SCP2: variants seen among roughly 807,000 people sequenced by gnomAD.
The protein encoded by SCP2 is sterol carrier protein 2.
SCP2 carries 48 observed loss-of-function variants against 71.4 expected under a neutral mutation model. The ratio of observed to expected loss-of-function variants is 0.67; its 90% CI spans 0.53 to 0.86. The LOEUF is 0.86. Among genes scored for constraint, SCP2 ranks in the 40% least tolerant of loss-of-function variants. SCP2 has a pLI of 0.00. For missense variants in SCP2, 560 were observed against 655.6 expected (o/e 0.85, Z 1.59); for synonymous variants, 220 against 218.1 (o/e 1.01, Z -0.08).
intron 6 of SCP2, among the ~76,000 whole-genome samples, chr1:52,974,507 C>G (rs555386369): frequency 6.6e-6 from 1 of 152,226 alleles, no homozygotes; most frequent in East Asian, 1.9e-4. Flanking sequence ...AAACTGGGTT[C>G]TACTTATTTT....
At position 53,047,937 on chromosome 1, in the gene SCP2, G is replaced by A. The variant is rs1007014203; in HGVS notation, c.1548G>A (p.Ser516=). ...TGACTGGTAAAATGAATCCTCAGTC[G>A]GTAAGTATGATGGAGCTTATATCCT... ...ALMTGKMNPQ[S]AFFQGKLKIT... is the part of the protein sequence containing the mutation. Residue 516 remains serine, a splice_region_variant and synonymous_variant, in exon 15 of 16, where the codon TCG becomes TCA. Transcript: ENST00000371514. The A allele has an allele frequency of 6.9e-6, 11 of 1,604,004 alleles. No homozygotes were observed. Among genetic ancestry groups the A allele is most frequent in the East Asian group, 2.2e-5 (1 of 44,836 alleles).
chr1:52,981,439 ATT>A (rs199738997), intron 10 of SCP2, among the ~76,000 whole-genome samples: 20 of 143,312 alleles, frequency 1.4e-4, no homozygotes, highest in African/African-American at 2.3e-4. Context: ...TTCATTAATA[ATT>A]TTTTTTTTTT....
At chr1:52,948,109 T>C (rs560469721) in intron 3 of SCP2, 29 bp downstream of exon 3, 1 of 1,449,956 alleles carries the variant, frequency 6.9e-7, no homozygotes, top group Non-Finnish European at 9.7e-7. Context: ...ATTCTAAAAT[T>C]TTTTTACCTA....
At chr1:52,946,828 A>G (rs537001050) in intron 2 of SCP2, among the ~76,000 whole-genome samples, 23 of 150,532 alleles carry the variant, frequency 1.5e-4, no homozygotes, top group African/African-American at 5.4e-4. Flanking sequence ...AGGCCAAGGG[A>G]GGTGGATCAC....
At chr1:52,970,893 C>T (rs1201029764) in intron 6 of SCP2, among the ~76,000 whole-genome samples, 2 of 146,784 alleles carry the variant, frequency 1.4e-5, no homozygotes. Flanking sequence ...TCTAGTTATG[C>T]TGAGAGTATG....
Position 52,994,859 on chromosome 1 carries a change from A to G in SCP2, c.1081+6723A>G, listed in dbSNP as rs1479261192. ...CATGGGGACAGCGACCTGCAGCTGG[A>G]CTGTGTCTCCATGTACTACAGTGAA... is the stretch of plus-strand genomic sequence containing the variant. On this transcript the variant is annotated intron_variant, in intron 11 of 15. Transcript: ENST00000371514. The G allele has an allele frequency of 5.9e-6, 3 of 510,126 alleles. No individual in the cohort carries two copies. The African/African-American group carries it at 5.9e-5, about 10-fold the overall frequency. The allele number at this position is 510,126 out of a possible 1,614,324, so 31.6% of individuals were successfully genotyped here.
At chr1:53,005,438 C>T (rs1445913048) in intron 11 of SCP2, among the ~76,000 whole-genome samples, 1 of 152,184 alleles carries the variant, frequency 6.6e-6, no homozygotes, top group Non-Finnish European at 1.5e-5. Flanking sequence ...AGGGAAGGAT[C>T]AGGCAGCAAC....
intron 1 of SCP2, among the ~76,000 whole-genome samples, chr1:52,935,967 A>G (rs995135023): frequency 6.6e-6 from 1 of 152,174 alleles, no homozygotes; most frequent in Non-Finnish European, 1.5e-5. Flanking sequence ...CACAATTCCA[A>G]TACTCTTCCC....
chr1:52,990,702 C>G (rs1349209858), intron 11 of SCP2, among the ~76,000 whole-genome samples: 1 of 135,506 alleles, frequency 7.4e-6, no homozygotes, highest in African/African-American at 2.8e-5. Context: ...CCACTGCACT[C>G]CAGCCTGGAC....
intron 13 of SCP2, 138 bp downstream of exon 13, chr1:53,028,209 A>G: frequency 1.6e-6 from 1 of 638,276 alleles, no homozygotes; most frequent in South Asian, 1.6e-5. Context: ...TAGATTTCTG[A>G]GTGTCTATTA....
intron 6 of SCP2, among the ~76,000 whole-genome samples, chr1:52,970,327 A>G (rs978403370): frequency 2.6e-5 from 4 of 152,166 alleles, no homozygotes; most frequent in South Asian, 2.1e-4. Context: ...ATGGTGCACC[A>G]CAGCCACAAA....
rs113310828 is a variant in SCP2 at position 52,970,412 on chromosome 1, G to C, written c.524-4357G>C. ...CTACAGGTGTACCTTGTCCTCTTTT[G>C]CTGCTTTTCTCCTTCACCGCTCAAT... On this transcript the variant is annotated intron_variant, in intron 6 of 15. Transcript: ENST00000371514. Among the ~76,000 whole-genome samples the C allele has an allele frequency of 5.2e-3, 785 of 152,224 alleles. 7 individuals are homozygous for C. Among genetic ancestry groups the C allele is most frequent in the African/African-American group, 0.018 (768 of 41,514 alleles).
chr1:53,002,919 T>C (rs989021281), intron 11 of SCP2, among the ~76,000 whole-genome samples: 16 of 152,194 alleles, frequency 1.1e-4, no homozygotes, highest in African/African-American at 3.6e-4. Flanking sequence ...CCTAGGACGA[T>C]GACTGGTAAG....
intron 13 of SCP2, among the ~76,000 whole-genome samples, chr1:53,034,147 C>T (rs891300310): frequency 3.3e-5 from 5 of 151,688 alleles, no homozygotes; most frequent in Admixed American, 6.6e-5. Context: ...CGTGGTGGTG[C>T]GCGCCTGTAG....
At chr1:53,020,529 A>G (rs563715940) in intron 12 of SCP2, among the ~76,000 whole-genome samples, 2 of 152,226 alleles carry the variant, frequency 1.3e-5, no homozygotes, top group East Asian at 3.9e-4. Context: ...AGACTCCTGG[A>G]GTCAAGCAGT....
chr1:53,014,948 A>C lies in SCP2; in HGVS notation c.1140A>C (p.Gln380His). The change falls in exon 12 of 16, where the codon CAA becomes CAC. Residue 380 changes from glutamine (Q) to histidine (H), a missense_variant. By Grantham distance (24) the Gln-to-His change is conservative (BLOSUM62 0). Transcript: ENST00000371514. Reference protein sequence around the residue: ...WQLRGEAGKRQVPGAKVALQH... With the variant: ...WQLRGEAGKRHVPGAKVALQH... ...TGAGAGGGGAAGCCGGAAAGAGGCAAGTTCCTGGTGCAAAGGTGGCTCTGC... is the reference window on the plus strand; with the variant it reads ...TGAGAGGGGAAGCCGGAAAGAGGCACGTTCCTGGTGCAAAGGTGGCTCTGC... 1 of 1,614,030 alleles carries C rather than the reference A, an allele frequency of 6.2e-7. No homozygotes were observed. Among genetic ancestry groups the C allele is most frequent in the Non-Finnish European group, 8.5e-7 (1 of 1,179,980 alleles).
At chr1:52,956,902 C>CT (rs370787153) in intron 5 of SCP2, among the ~76,000 whole-genome samples, 3,133 of 105,826 alleles carry the variant, frequency 0.03, 47 homozygotes, top group Non-Finnish European at 0.037. Flanking sequence ...CTCCTTCTGC[C>CT]TTTTTTTTTT....
Position 52,974,850 on chromosome 1 carries a change from A to C in SCP2, c.587+18A>C, listed in dbSNP as rs1267512568. On this transcript the variant is annotated intron_variant, in intron 7 of 15. Transcript: ENST00000371514. ...AATAACCCGTAAGTATTTCAGAGAC[A>C]TGAAATAATGAAAATCTGGGTTATC... The C allele has an allele frequency of 8.3e-7, 1 of 1,198,824 alleles. No homozygotes were observed. The highest frequency in any genetic ancestry group is 1.2e-6 in the Non-Finnish European group (1 of 801,074). The allele number at this position is 1,198,824 out of a possible 1,614,324, so 74.3% of individuals were successfully genotyped here.
intron 4 of SCP2, among the ~76,000 whole-genome samples, chr1:52,952,923 T>C (rs1329813979): frequency 6.6e-6 from 1 of 152,204 alleles, no homozygotes; most frequent in Non-Finnish European, 1.5e-5. Context: ...GTCCTCTCTC[T>C]GTTCCACTGA....
Sources: gnomAD v4.1 joint callset for allele counts (sites outside exome capture counted in the v4.1 genomes callset) on GRCh38, gnomAD v4.1.1 for gene constraint, MANE v1.5 for transcripts, NCBI Gene and HGNC (gene_info 2026-07-23, HGNC 2026-07-21) for gene names.